Variants in CHIC2 observed in about 807,000 individuals in gnomAD.
The protein encoded by CHIC2 is cysteine-rich hydrophobic domain-containing protein 2.
Under a neutral mutation model 25.9 loss-of-function variants are expected in CHIC2, and 14 were observed. That is an observed-to-expected ratio of 0.54 (90% CI 0.36 to 0.85). The LOEUF (loss-of-function observed/expected upper bound fraction) is 0.85. Ranked by LOEUF, CHIC2 falls within the 40% of genes least tolerant of loss-of-function variation. The probability of loss-of-function intolerance (pLI) is 0.01; values close to 1 mark genes in which losing one functional copy is unlikely to be tolerated. For synonymous variants in CHIC2, 70 were observed against 72.0 expected (o/e 0.97, Z 0.14); for missense variants, 146 against 202.0 (o/e 0.72, Z 1.68).
chr4:54,032,383 AGCCTGCCGAGT>A (rs1302236194), intron 3 of CHIC2, among the ~76,000 whole-genome samples: 1 of 146,890 alleles, frequency 6.8e-6, no homozygotes, highest in African/African-American at 2.6e-5. Flanking sequence ...CTCCTGCCTC[AGCCTGCCGAGT>A]GCCTGCGATT....
Position 54,064,288 on chromosome 4 carries a change from C to T in CHIC2, c.13G>A (p.Asp5Asn). The change falls in exon 1 of 6, where the codon GAC becomes AAC. Residue 5 changes from aspartate (D) to asparagine (N), a missense_variant. Physicochemically the swap from Asp to Asn is conservative, Grantham distance 23. Transcript: ENST00000263921. This position sits in a 1 kb window ranked among gnomAD's most constrained non-coding sequence, Gnocchi z 4.2. Reference protein sequence around the residue: MADFDEIYEEEEDEE... With the variant: MADFNEIYEEEEDEE... ...TCCTCCTCTTCCTCATAGATTTCGT[C>T]GAAATCCGCCATCCTGAGCCTCCGA... 1.9e-6 allele frequency: 3 copies of T among 1,613,238 alleles called. No individual in the cohort carries two copies. The highest frequency in any genetic ancestry group is 2.5e-6 in the Non-Finnish European group (3 of 1,179,616).
upstream of CHIC2, chr4:54,065,202 A>T: frequency 2.0e-6 from 1 of 503,708 alleles, no homozygotes; most frequent in Non-Finnish European, 2.6e-6. Flanking sequence ...TGATCCCCTT[A>T]AGTATAATCC....
intron 3 of CHIC2, among the ~76,000 whole-genome samples, chr4:54,039,086 C>T (rs533131338): frequency 6.6e-6 from 1 of 152,070 alleles, no homozygotes; most frequent in East Asian, 1.9e-4. Flanking sequence ...AAAAATTTCA[C>T]CCATACCTCA....
At chr4:54,072,790 C>A in the CHIC2 span, among the ~76,000 whole-genome samples, 1 of 152,000 alleles carries the variant, frequency 6.6e-6, no homozygotes. Context: ...AAGATGTGCG[C>A]GTCTGGGCGT....
chr4:54,037,147 T>C (rs1407251458), intron 3 of CHIC2, among the ~76,000 whole-genome samples: 1 of 152,000 alleles, frequency 6.6e-6, no homozygotes. Flanking sequence ...GGTGGACTGC[T>C]TGAGCTCAGG....
the CHIC2 span, among the ~76,000 whole-genome samples, chr4:54,078,875 T>A: frequency 6.6e-6 from 1 of 152,126 alleles, no homozygotes; most frequent in Non-Finnish European, 1.5e-5. Context: ...AATTATACAA[T>A]CTTTGAAATT....
the CHIC2 span, chr4:54,087,620 G>A: frequency 1.6e-6 from 1 of 639,868 alleles, no homozygotes. Flanking sequence ...TTATTTGTAA[G>A]AATAGGAGAA....
chr4:54,053,872 C>A (rs1717086411), intron 1 of CHIC2, among the ~76,000 whole-genome samples: 1 of 152,102 alleles, frequency 6.6e-6, no homozygotes, highest in Non-Finnish European at 1.5e-5. Flanking sequence ...CTCACTGTAA[C>A]CTCTGCCTCC....
rs372598321 is a variant in CHIC2, at chr4:54,010,140, G to C, written c.453C>G (p.Ile151Met). The C allele has an allele frequency of 1.2e-4, 189 of 1,605,124 alleles. No homozygotes were observed. The highest frequency in any genetic ancestry group is 4.9e-4 in the Middle Eastern group (3 of 6,062). The part of the protein sequence containing the change: ...CETNNMMEYV[I>M]LIEFLPKTPI... ...GTGTCTTTGGTAAAAATTCTATGAGGATGACCTGTAAAAGGAGAAGAAAAA... is the reference window on the plus strand; with the variant it reads ...GTGTCTTTGGTAAAAATTCTATGAGCATGACCTGTAAAAGGAGAAGAAAAA... Residue 151 changes from isoleucine to methionine, a missense_variant, in exon 6 of 6, where the codon ATC becomes ATG. Ile to Met is a conservative substitution (Grantham distance 10). Coordinates refer to ENST00000263921, the MANE Select transcript of CHIC2 (RefSeq NM_012110.4).
intron 3 of CHIC2, among the ~76,000 whole-genome samples, chr4:54,015,971 G>T (rs1715727222): frequency 6.6e-6 from 1 of 152,188 alleles, no homozygotes; most frequent in Non-Finnish European, 1.5e-5. Context: ...CTCTGAGCAG[G>T]CATCTGCCTG....
chr4:54,042,660 A>G (rs1429827554), intron 3 of CHIC2, among the ~76,000 whole-genome samples: 2 of 152,188 alleles, frequency 1.3e-5, no homozygotes, highest in African/African-American at 4.8e-5. Context: ...ACATAGCAGA[A>G]GGGAGTGAGG....
intron 3 of CHIC2, among the ~76,000 whole-genome samples, chr4:54,046,699 G>A (rs1716831496): frequency 6.6e-6 from 1 of 152,186 alleles, no homozygotes; most frequent in African/African-American, 2.4e-5. Flanking sequence ...AAAAACCCTA[G>A]AAGAAAACCT....
At chr4:54,017,005 C>T (rs1463601364) in intron 3 of CHIC2, among the ~76,000 whole-genome samples, 2 of 151,682 alleles carry the variant, frequency 1.3e-5, no homozygotes, top group East Asian at 3.9e-4. Context: ...AATACAATAC[C>T]AATTTGGCAG....
At chr4:54,034,471 T>C (rs1716324531) in intron 3 of CHIC2, among the ~76,000 whole-genome samples, 1 of 152,210 alleles carries the variant, frequency 6.6e-6, no homozygotes, top group Non-Finnish European at 1.5e-5. Context: ...CTTAAGTCTT[T>C]TAAGTTTTTT....
At chr4:54,029,428 ATT>A (rs1207917413) in intron 3 of CHIC2, among the ~76,000 whole-genome samples, 1 of 152,208 alleles carries the variant, frequency 6.6e-6, no homozygotes, top group Non-Finnish European at 1.5e-5. Flanking sequence ...CCACATGAAT[ATT>A]TGTTATATTT....
At chr4:54,063,916 C>CTA (rs1717412732) in intron 1 of CHIC2, among the ~76,000 whole-genome samples, 1 of 152,228 alleles carries the variant, frequency 6.6e-6, no homozygotes, top group Admixed American at 6.5e-5. Context: ...AGGGCAGACC[C>CTA]TAATGAAAAC....
At chr4:54,065,740 G>A (rs1004003352), upstream of CHIC2, among the ~76,000 whole-genome samples, 1 of 152,184 alleles carries the variant, frequency 6.6e-6, no homozygotes, top group Non-Finnish European at 1.5e-5. Flanking sequence ...CGCTGGTCAG[G>A]CTCTTCAAGT....
At chr4:54,058,617 G>A (rs1455981566) in intron 1 of CHIC2, among the ~76,000 whole-genome samples, 1 of 149,494 alleles carries the variant, frequency 6.7e-6, no homozygotes, top group East Asian at 2.0e-4. Flanking sequence ...GAAGATACCT[G>A]AAGGATACTT....
At chr4:54,069,815 A>G in the CHIC2 span, among the ~76,000 whole-genome samples, 2 of 152,242 alleles carry the variant, frequency 1.3e-5, no homozygotes, top group African/African-American at 4.8e-5. Context: ...TTGTTCACTC[A>G]TTCATTCATT....
Sources: gnomAD v4.1 joint callset for allele counts (sites outside exome capture counted in the v4.1 genomes callset) on GRCh38, gnomAD v4.1.1 for gene constraint, Gnocchi (gnomAD v3.1) non-coding constraint, MANE v1.5 for transcripts, NCBI Gene and HGNC (gene_info 2026-07-23, HGNC 2026-07-21) for gene names.